OR6N1: variants seen among roughly 807,000 people sequenced by gnomAD.
OR6N1 encodes the protein olfactory receptor 6N1.
For missense variants in OR6N1, 394 were observed against 371.7 expected, an observed-to-expected ratio of 1.06 and a Z score of -0.49; for synonymous variants, 170 against 150.7, an observed-to-expected ratio of 1.13 and a Z score of -0.94.
At chr1:158,789,912 A>G in the OR6N1 span, among the ~76,000 whole-genome samples, 2 of 152,226 alleles carry the variant, frequency 1.3e-5, no homozygotes, top group African/African-American at 4.8e-5. Context: ...ATCTTTGCCC[A>G]GGCCAATGCC....
intron 1 of OR6N1, 27 bp from the exon 2 acceptor site, chr1:158,766,727 A>T (rs1864347): frequency 0.3 from 429,078 of 1,443,156 alleles, 67,191 homozygotes; most frequent in East Asian, 0.4. Context: ...GAAGGATAGG[A>T]AAGAAAGTTG....
the OR6N1 span, among the ~76,000 whole-genome samples, chr1:158,829,171 G>T: frequency 6.6e-6 from 1 of 152,182 alleles, no homozygotes; most frequent in Non-Finnish European, 1.5e-5. Context: ...TTGTCTTCAT[G>T]ATTAACATTT....
the OR6N1 span, among the ~76,000 whole-genome samples, chr1:158,815,317 C>T: frequency 0.41 from 62,293 of 151,698 alleles, 13,164 homozygotes; most frequent in Non-Finnish European, 0.47. Flanking sequence ...ATATTGTAAG[C>T]TTCCCAGGCT....
chr1:158,819,349 G>A, the OR6N1 span, among the ~76,000 whole-genome samples: 1 of 152,152 alleles, frequency 6.6e-6, no homozygotes, highest in Non-Finnish European at 1.5e-5. Context: ...ACATTCACAG[G>A]AGTCACTGTG....
upstream of OR6N1, chr1:158,775,600 T>C (rs970834364): frequency 6.6e-6 from 1 of 152,220 alleles, no homozygotes; most frequent in Non-Finnish European, 1.5e-5. Context: ...GTGGAAAATA[T>C]ATTAGAATAG....
At chr1:158,778,372 ATGAATTTTCCAAGAAGATC>A in the OR6N1 span, among the ~76,000 whole-genome samples, 1 of 152,224 alleles carries the variant, frequency 6.6e-6, no homozygotes, top group African/African-American at 2.4e-5. Context: ...AGCCCGTAAG[ATGAATTTTCCAAGAAGATC>A]TGGGATCAGC....
At chr1:158,834,948 GCTAT>G in the OR6N1 span, among the ~76,000 whole-genome samples, 3 of 152,226 alleles carry the variant, frequency 2.0e-5, no homozygotes, top group South Asian at 4.1e-4. Flanking sequence ...TTATTTCTAT[GCTAT>G]CTATCATATT....
the OR6N1 span, among the ~76,000 whole-genome samples, chr1:158,793,308 G>C: frequency 6.6e-6 from 1 of 152,006 alleles, no homozygotes; most frequent in Non-Finnish European, 1.5e-5. Flanking sequence ...TCCACTGCAG[G>C]AGGGTTAGTG....
chr1:158,776,842 C>T, upstream of OR6N1: 1 of 1,614,138 alleles, frequency 6.2e-7, no homozygotes, highest in Middle Eastern at 1.6e-4. Flanking sequence ...CAGGGAATAG[C>T]TCTTCTTTAG....
At chr1:158,821,298 C>T in the OR6N1 span, among the ~76,000 whole-genome samples, 6 of 152,278 alleles carry the variant, frequency 3.9e-5, no homozygotes, top group African/African-American at 1.4e-4. Context: ...AATCAATGAA[C>T]ATGTGTCCAA....
the OR6N1 span, among the ~76,000 whole-genome samples, chr1:158,836,069 G>A: frequency 6.6e-6 from 1 of 151,588 alleles, no homozygotes; most frequent in Non-Finnish European, 1.5e-5. Flanking sequence ...TGCATTCCAG[G>A]GATAAACCTT....
At chr1:158,802,908 C>T in the OR6N1 span, among the ~76,000 whole-genome samples, 2 of 152,054 alleles carry the variant, frequency 1.3e-5, no homozygotes, top group Non-Finnish European at 2.9e-5. Flanking sequence ...CTAATCTTGA[C>T]ATCTGAACTC....
the OR6N1 span, among the ~76,000 whole-genome samples, chr1:158,831,018 C>T: frequency 6.6e-6 from 1 of 152,160 alleles, no homozygotes; most frequent in African/African-American, 2.4e-5. Flanking sequence ...ACTCTGTGAA[C>T]AGGAAAGGAG....
upstream of OR6N1, chr1:158,776,578 G>A (rs997321016): frequency 3.6e-5 from 22 of 619,458 alleles, no homozygotes; most frequent in Admixed American, 8.3e-5. Context: ...AGTCTTTGAA[G>A]AGGTGAAAGG....
Position 158,765,839 on chromosome 1 carries a change from T to A in OR6N1, c.844A>T (p.Thr282Ser). The A allele has an allele frequency of 6.2e-7, 1 of 1,614,150 alleles. No homozygotes were observed. The highest frequency in any genetic ancestry group is 1.1e-5 in the South Asian group (1 of 91,086). ...TAGATGAAGGGGTTGAGGAAGGGTG[T>A]GAGCACTGAGTAGACCACTGCCAGG... ...QALAVVYSVLTPFLNPFIYSL... is the reference protein window; with the variant it reads ...QALAVVYSVLSPFLNPFIYSL... Residue 282 changes from threonine (T) to serine (S), a missense_variant, in exon 2 of 2, where the codon ACA (threonine) becomes TCA (serine). Thr to Ser is a moderately conservative substitution (Grantham distance 58). Transcript: ENST00000641846.
chr1:158,765,755 T>A lies in OR6N1; in HGVS notation c.928A>T (p.Ile310Leu), dbSNP rs1657234932. The change falls in exon 2 of 2, where the codon ATA becomes TTA. Residue 310 changes from isoleucine (I) to leucine (L), a missense_variant. Ile to Leu is a conservative substitution (Grantham distance 5, BLOSUM62 2). Transcript: ENST00000641846. ...AVRRQLKRIG[I>L]LA ...CTCTCAGCCCCAACTCATGCCAATA[T>A]CCCAATTCTCTTTAGCTGCCTCCTC... 2 of 1,612,922 alleles carry A rather than the reference T, an allele frequency of 1.2e-6. No homozygotes were observed. The highest frequency in any genetic ancestry group is 1.3e-5 in the African/African-American group (1 of 74,932).
the OR6N1 span, among the ~76,000 whole-genome samples, chr1:158,780,583 T>G: frequency 6.6e-6 from 1 of 152,230 alleles, no homozygotes; most frequent in Admixed American, 6.5e-5. Flanking sequence ...CTCCCTTATA[T>G]GTGCTCAGAG....
At chr1:158,824,793 T>C in the OR6N1 span, among the ~76,000 whole-genome samples, 2 of 152,178 alleles carry the variant, frequency 1.3e-5, no homozygotes, top group African/African-American at 4.8e-5. Context: ...GACCCCTTCC[T>C]TACCCCATAT....
At chr1:158,814,272 A>G in the OR6N1 span, among the ~76,000 whole-genome samples, 3 of 152,158 alleles carry the variant, frequency 2.0e-5, no homozygotes, top group Non-Finnish European at 4.4e-5. Context: ...TATTATATGT[A>G]TATGTCTCTC....
Sources: allele counts gnomAD v4.1 joint callset (sites outside exome capture counted in the v4.1 genomes callset), GRCh38; gene constraint gnomAD v4.1.1; transcripts MANE v1.5; gene names NCBI Gene and HGNC (gene_info 2026-07-23, HGNC 2026-07-21).